The following TNIK variants were observed in gnomAD, a reference collection of about 807,000 sequenced individuals.
TNIK encodes TRAF2 and NCK-interacting protein kinase.
A neutral mutation model predicts 191.3 loss-of-function variants in TNIK; 49 were observed. That is an observed-to-expected ratio of 0.26 (90% CI 0.20 to 0.32). The LOEUF (loss-of-function observed/expected upper bound fraction) is 0.32. Ranked by LOEUF, TNIK falls within the 10% of genes least tolerant of loss-of-function variation. The probability of loss-of-function intolerance (pLI) is 1.00; values close to 1 mark genes in which losing one functional copy is unlikely to be tolerated. For synonymous variants in TNIK, 594 were observed against 600.9 expected, an observed-to-expected ratio of 0.99 and a Z score of 0.17; for missense variants, 1,155 against 1,702.3, an observed-to-expected ratio of 0.68 and a Z score of 5.66.
intron 2 of TNIK, among the ~76,000 whole-genome samples, chr3:171,338,041 T>C (rs1757135181): frequency 6.6e-6 from 1 of 152,218 alleles, no homozygotes; most frequent in Non-Finnish European, 1.5e-5. Flanking sequence ...TACGTACCTT[T>C]GAATCTCTTA....
intron 3 of TNIK, among the ~76,000 whole-genome samples, chr3:171,219,083 T>TTTATATATATATAATTATAAATATATATA: frequency 8.2e-6 from 1 of 121,706 alleles, no homozygotes; most frequent in East Asian, 2.0e-4. Context: ...AAATATATAT[T>TTTATATATATATAATTATAAATATATATA]TTATATAAAT....
At chr3:171,427,928 C>T (rs1032459830) in intron 1 of TNIK, among the ~76,000 whole-genome samples, 3 of 152,064 alleles carry the variant, frequency 2.0e-5, no homozygotes, top group Admixed American at 2.0e-4. Context: ...AGCACTCCTA[C>T]GTGAGAGGAC....
intron 2 of TNIK, among the ~76,000 whole-genome samples, chr3:171,299,705 T>C (rs1752689531): frequency 6.6e-6 from 1 of 152,180 alleles, no homozygotes. Flanking sequence ...GCTTCCTCCA[T>C]ATTTTAATAA....
intron 1 of TNIK, among the ~76,000 whole-genome samples, chr3:171,375,449 T>C (rs1003810629): frequency 6.6e-6 from 1 of 152,224 alleles, no homozygotes; most frequent in African/African-American, 2.4e-5. Flanking sequence ...AAAATGTATG[T>C]CTCTTTAAAA....
chr3:171,060,850 T>G lies in TNIK; in HGVS notation c.*3031A>C, dbSNP rs550941711. ...CAGACTATGGTGTGGGCAGGCTCAG[T>G]AGATTTTACTGGATGATTATTAATT... On this transcript the variant is annotated 3_prime_UTR_variant, in exon 33 of 33. Coordinates refer to ENST00000436636, the MANE Select transcript of TNIK (RefSeq NM_015028.4). 5.7e-4 allele frequency among the ~76,000 whole-genome samples: 86 copies of G among 152,160 alleles called. 2 individuals carry two copies. Among genetic ancestry groups the G allele is most frequent in the African/African-American group, 9.7e-5 (4 of 41,438 alleles).
chr3:171,141,458 T>A (rs1438125558), intron 12 of TNIK, among the ~76,000 whole-genome samples: 1 of 152,206 alleles, frequency 6.6e-6, no homozygotes, highest in African/African-American at 2.4e-5. Context: ...TTCATTATAC[T>A]CTCAGGAAAG....
At chr3:171,251,657 T>C (rs1746239488) in intron 2 of TNIK, among the ~76,000 whole-genome samples, 1 of 152,200 alleles carries the variant, frequency 6.6e-6, no homozygotes, top group Non-Finnish European at 1.5e-5. Flanking sequence ...TGATACTTAA[T>C]ATAAATAATG....
At chr3:171,088,503 G>T (rs959753577) in intron 23 of TNIK, among the ~76,000 whole-genome samples, 1 of 152,204 alleles carries the variant, frequency 6.6e-6, no homozygotes, top group Non-Finnish European at 1.5e-5. Flanking sequence ...AAAGTGCTGG[G>T]ATGACACGTG....
Position 171,071,216 on chromosome 3 carries a change from T to C in TNIK, c.3549+7A>G. ...AGCACATTTTAGATAATCACATCCCTGCTTACCTTAAATGCCATGAATTTA... is the reference window on the plus strand; with the variant it reads ...AGCACATTTTAGATAATCACATCCCCGCTTACCTTAAATGCCATGAATTTA... On this transcript the variant is annotated splice_region_variant and intron_variant, in intron 29 of 32. Coordinates refer to ENST00000436636, the MANE Select transcript of TNIK (RefSeq NM_015028.4). The C allele has an allele frequency of 1.3e-6, 2 of 1,589,050 alleles. No individual in the cohort carries two copies. The highest frequency in any genetic ancestry group is 1.2e-5 in the South Asian group (1 of 85,040).
At chr3:171,440,813 A>C (rs575754880) in intron 1 of TNIK, among the ~76,000 whole-genome samples, 3 of 152,318 alleles carry the variant, frequency 2.0e-5, no homozygotes, top group African/African-American at 7.2e-5. Flanking sequence ...CAGCAGGAAC[A>C]GTGTGCATAA....
intron 12 of TNIK, among the ~76,000 whole-genome samples, chr3:171,146,564 C>G (rs1465129179): frequency 6.6e-6 from 1 of 152,106 alleles, no homozygotes; most frequent in Non-Finnish European, 1.5e-5. Context: ...GCACTGCCAC[C>G]AATACGAACA....
At chr3:171,240,283 T>C (rs2109034072) in intron 2 of TNIK, among the ~76,000 whole-genome samples, 1 of 152,278 alleles carries the variant, frequency 6.6e-6, no homozygotes, top group African/African-American at 2.4e-5. Context: ...GAATTGACTA[T>C]CTGTAGCTAG....
chr3:171,340,949 T>G (rs1251195482), intron 2 of TNIK, among the ~76,000 whole-genome samples: 1 of 151,938 alleles, frequency 6.6e-6, no homozygotes, highest in Non-Finnish European at 1.5e-5. Flanking sequence ...TAAGCTGTTC[T>G]CCTCCAAGAA....
chr3:171,416,208 T>C (rs1270030024), intron 1 of TNIK, among the ~76,000 whole-genome samples: 3 of 151,962 alleles, frequency 2.0e-5, no homozygotes, highest in Admixed American at 2.0e-4. Flanking sequence ...TTTGCAGATA[T>C]GACAGTAAAT....
intron 12 of TNIK, among the ~76,000 whole-genome samples, chr3:171,146,559 G>A (rs1731617223): frequency 6.6e-6 from 1 of 152,138 alleles, no homozygotes; most frequent in African/African-American, 2.4e-5. Flanking sequence ...GTCCTGCACT[G>A]CCACCAATAC....
intron 2 of TNIK, among the ~76,000 whole-genome samples, chr3:171,304,498 C>T (rs536164667): frequency 3.2e-4 from 48 of 152,190 alleles, no homozygotes; most frequent in African/African-American, 1.1e-3. Flanking sequence ...GACCCAGCCA[C>T]CCCATTACTG....
chr3:171,444,889 T>C (rs1049783090), intron 1 of TNIK, among the ~76,000 whole-genome samples: 3 of 152,116 alleles, frequency 2.0e-5, no homozygotes, highest in Non-Finnish European at 4.4e-5. Flanking sequence ...TTATTTTATT[T>C]TATTTTATTG....
At chr3:171,133,182 C>T (rs1729545020) in intron 15 of TNIK, among the ~76,000 whole-genome samples, 1 of 152,198 alleles carries the variant, frequency 6.6e-6, no homozygotes, top group Non-Finnish European at 1.5e-5. Context: ...AGGGCCTGGA[C>T]TATTTTCCCA....
At chr3:171,351,798 G>T (rs1340779982) in intron 2 of TNIK, among the ~76,000 whole-genome samples, 1 of 152,086 alleles carries the variant, frequency 6.6e-6, no homozygotes, top group African/African-American at 2.4e-5. Flanking sequence ...ATCTCTGTGG[G>T]ATATGACAAA....
Sources: allele counts gnomAD v4.1 joint callset (sites outside exome capture counted in the v4.1 genomes callset), GRCh38; gene constraint gnomAD v4.1.1; transcripts MANE v1.5; gene names NCBI Gene and HGNC (gene_info 2026-07-23, HGNC 2026-07-21).